Variants in TET1 observed in about 807,000 individuals in gnomAD.
The protein encoded by TET1 is methylcytosine dioxygenase TET1.
Under a neutral mutation model 148.7 loss-of-function variants are expected in TET1, and 13 were observed. That is an observed-to-expected ratio of 0.09 (90% CI 0.06 to 0.14). TET1 has a LOEUF of 0.14. Ranked by LOEUF, TET1 falls within the 10% of genes least tolerant of loss-of-function variation. The pLI is 1.00. For synonymous variants in TET1, 907 were observed against 937.2 expected (o/e 0.97, Z 0.59); for missense variants, 2,182 against 2,553.8 (o/e 0.85, Z 3.14).
At chr10:68,687,140 C>T (rs1357798519) in intron 11 of TET1, among the ~76,000 whole-genome samples, 1 of 138,770 alleles carries the variant, frequency 7.2e-6, no homozygotes, top group Non-Finnish European at 1.6e-5. Context: ...GCCCCCGCCC[C>T]CCCGCCCCCG....
chr10:68,588,175 T>C (rs565493779), intron 2 of TET1, among the ~76,000 whole-genome samples: 1 of 152,264 alleles, frequency 6.6e-6, no homozygotes, highest in East Asian at 1.9e-4. Context: ...ATTTTTTATA[T>C]GTAGAAATAG....
At chr10:68,564,082 A>G (rs1478205008) in intron 1 of TET1, among the ~76,000 whole-genome samples, 1 of 152,008 alleles carries the variant, frequency 6.6e-6, no homozygotes, top group Non-Finnish European at 1.5e-5. Flanking sequence ...CTCCTAGCCT[A>G]TAATTTTGGA....
chr10:68,564,723 G>A (rs773921161), intron 1 of TET1, among the ~76,000 whole-genome samples: 1 of 152,112 alleles, frequency 6.6e-6, no homozygotes, highest in Non-Finnish European at 1.5e-5. Flanking sequence ...GACATTCCAG[G>A]TTAGAATAAA....
At chr10:68,579,337 T>C (rs1237924154) in intron 2 of TET1, among the ~76,000 whole-genome samples, 1 of 152,258 alleles carries the variant, frequency 6.6e-6, no homozygotes, top group Non-Finnish European at 1.5e-5. Context: ...TTCAGTATCC[T>C]CGCCTCCTTT....
At chr10:68,631,719 C>G (rs929094123) in intron 3 of TET1, among the ~76,000 whole-genome samples, 6 of 152,026 alleles carry the variant, frequency 3.9e-5, no homozygotes, top group Non-Finnish European at 7.3e-5. Flanking sequence ...ATATTACCAC[C>G]AGCTAAGTGC....
intron 4 of TET1, among the ~76,000 whole-genome samples, chr10:68,650,624 G>A (rs1171200125): frequency 6.6e-6 from 1 of 151,702 alleles, no homozygotes; most frequent in Non-Finnish European, 1.5e-5. Context: ...AGAGTGAAAC[G>A]CCATCTCAAA....
chr10:68,635,729 G>T (rs1030771382), intron 3 of TET1, among the ~76,000 whole-genome samples: 1 of 152,188 alleles, frequency 6.6e-6, no homozygotes, highest in African/African-American at 2.4e-5. Flanking sequence ...GGTGGCATAT[G>T]CCTGTAATCC....
intron 3 of TET1, among the ~76,000 whole-genome samples, chr10:68,630,543 G>T (rs1157012092): frequency 6.6e-6 from 1 of 152,152 alleles, no homozygotes; most frequent in Non-Finnish European, 1.5e-5. Flanking sequence ...TCAAACTGCT[G>T]ACGTCAGGTG....
At position 68,645,430 on chromosome 10, in the gene TET1, T is replaced by G; in HGVS notation, c.2701T>G (p.Ser901Ala). ...AGCCATAGAGGCCCTGACTCAACTCTCAGAAGCCCCATCAGAGAATTCCTC... is the reference window on the plus strand; with the variant it reads ...AGCCATAGAGGCCCTGACTCAACTCGCAGAAGCCCCATCAGAGAATTCCTC... ...VVAIEALTQL[S>A]EAPSENSSPS... is the part of the protein sequence containing the mutation. The change falls in exon 4 of 12, where the codon TCA (serine) becomes GCA (alanine). Residue 901 changes from serine (S) to alanine (A), a missense_variant. Ser to Ala is a moderately conservative substitution (Grantham distance 99, BLOSUM62 1). This residue lies in a region of TET1 where 582 missense variants were observed against 599.5 expected (regional missense o/e 0.97). Transcript: ENST00000373644. The G allele has an allele frequency of 6.2e-7, 1 of 1,613,900 alleles. No homozygotes were observed. Among genetic ancestry groups the G allele is most frequent in the Non-Finnish European group, 8.5e-7 (1 of 1,180,014 alleles).
intron 3 of TET1, among the ~76,000 whole-genome samples, chr10:68,613,723 G>A (rs1437905754): frequency 6.6e-6 from 1 of 152,154 alleles, no homozygotes; most frequent in African/African-American, 2.4e-5. Flanking sequence ...GATCACCTGA[G>A]GTCAGGAGTT....
In TET1 at chr10:68,570,884, C is replaced by T. The variant is rs184072756; in HGVS notation, c.-122-1333C>T. 2.4e-3 allele frequency among the ~76,000 whole-genome samples: 368 copies of T among 152,150 alleles called. 4 individuals are homozygous for T. The highest frequency in any genetic ancestry group is 8.4e-3 in the African/African-American group (347 of 41,484). On this transcript the variant is annotated intron_variant, in intron 1 of 11. Transcript: ENST00000373644. ...TCCTGACCTCCTGATCTGCCTGCCT[C>T]AGCCTTCCAAAGTGCTGGGATTACA...
In TET1 at chr10:68,569,261, C is replaced by T. The variant is rs569114243; in HGVS notation, c.-122-2956C>T. ...AATCTCGGCTCACTGCAAGCTCTGCCTCCCGGGTTCACGCCATTCTCCTGC... is the reference window on the plus strand; with the variant it reads ...AATCTCGGCTCACTGCAAGCTCTGCTTCCCGGGTTCACGCCATTCTCCTGC... On this transcript the variant is annotated intron_variant, in intron 1 of 11. Coordinates refer to ENST00000373644, the MANE Select transcript of TET1 (RefSeq NM_030625.3). Among the ~76,000 whole-genome samples, 6 of 149,252 alleles carry T rather than the reference C, an allele frequency of 4.0e-5. No individual in the cohort carries two copies. The South Asian group carries it at 8.5e-4, about 21-fold the overall frequency.
intron 7 of TET1, among the ~76,000 whole-genome samples, chr10:68,667,521 C>A (rs1456094669): frequency 2.6e-5 from 4 of 151,916 alleles, no homozygotes; most frequent in African/African-American, 9.7e-5. Context: ...TTTGGGAGGC[C>A]GAGGCAGGAG....
intron 2 of TET1, among the ~76,000 whole-genome samples, chr10:68,599,381 A>C (rs567185051): frequency 1.8e-4 from 28 of 152,326 alleles, no homozygotes; most frequent in Admixed American, 1.4e-3. Flanking sequence ...CGCCCTCTAC[A>C]CTGCATTTTG....
chr10:68,649,555 G>T (rs570833255), intron 4 of TET1, among the ~76,000 whole-genome samples: 81 of 146,046 alleles, frequency 5.5e-4, no homozygotes, highest in African/African-American at 1.9e-3. Flanking sequence ...GTAGTGAGCC[G>T]AGATCACGCC....
chr10:68,603,627 T>C (rs2054086012), intron 3 of TET1, among the ~76,000 whole-genome samples: 1 of 152,058 alleles, frequency 6.6e-6, no homozygotes, highest in Non-Finnish European at 1.5e-5. Flanking sequence ...AAAAATTAGC[T>C]GGGTGCGACG....
chr10:68,619,578 A>G (rs1343828471), intron 3 of TET1, among the ~76,000 whole-genome samples: 1 of 152,180 alleles, frequency 6.6e-6, no homozygotes, highest in African/African-American at 2.4e-5. Context: ...AAATTGACAA[A>G]CAATAGTTGC....
chr10:68,672,278 C>A (rs1462395087), intron 7 of TET1, among the ~76,000 whole-genome samples: 1 of 151,654 alleles, frequency 6.6e-6, no homozygotes, highest in Non-Finnish European at 1.5e-5. Context: ...AACTTGAAGT[C>A]AGGAGTTTGA....
chr10:68,574,469 T>A (rs911154451), intron 2 of TET1, among the ~76,000 whole-genome samples: 8 of 152,234 alleles, frequency 5.3e-5, no homozygotes, highest in African/African-American at 1.9e-4. Flanking sequence ...AGCTAGCTTA[T>A]TTTTAGAATT....
Sources: gnomAD v4.1 joint callset for allele counts (sites outside exome capture counted in the v4.1 genomes callset) on GRCh38, gnomAD v4.1.1 for gene constraint, gnomAD v4.1.1 regional missense constraint, MANE v1.5 for transcripts, NCBI Gene and HGNC (gene_info 2026-07-23, HGNC 2026-07-21) for gene names.